The following SLC35F4 variants were observed in gnomAD, a reference collection of about 807,000 sequenced individuals.
SLC35F4 encodes solute carrier family 35 member F4.
Under a neutral mutation model 44.2 loss-of-function variants are expected in SLC35F4, and 24 were observed. The ratio of observed to expected loss-of-function variants is 0.54; its 90% CI spans 0.39 to 0.76. SLC35F4 has a LOEUF of 0.76. Ranked by LOEUF, SLC35F4 falls within the 30% of genes least tolerant of loss-of-function variation. SLC35F4 has a pLI of 0.00. For missense variants in SLC35F4, 562 were observed against 586.1 expected (o/e 0.96, Z 0.42); for synonymous variants, 238 against 223.6 (o/e 1.06, Z -0.57).
chr14:57,834,307 C>T (rs1442134944), intron 1 of SLC35F4, among the ~76,000 whole-genome samples: 1 of 152,202 alleles, frequency 6.6e-6, no homozygotes, highest in Non-Finnish European at 1.5e-5. Context: ...AACTACAGCA[C>T]ATTGGTGTGT....
At chr14:57,682,336 C>T (rs1394075881) in intron 1 of SLC35F4, among the ~76,000 whole-genome samples, 1 of 152,056 alleles carries the variant, frequency 6.6e-6, no homozygotes, top group East Asian at 1.9e-4. Flanking sequence ...GAGTTCATAT[C>T]CTTTGCAGGG....
intron 1 of SLC35F4, among the ~76,000 whole-genome samples, chr14:57,824,011 A>G (rs1883456722): frequency 6.6e-6 from 1 of 152,158 alleles, no homozygotes. Flanking sequence ...ATATTCCCCA[A>G]ATCAGGAAGT....
chr14:57,855,719 A>G (rs1223005107), intron 1 of SLC35F4, among the ~76,000 whole-genome samples: 1 of 152,224 alleles, frequency 6.6e-6, no homozygotes, highest in Non-Finnish European at 1.5e-5. Context: ...AAGTCATTCT[A>G]CTATAAAGAC....
chr14:57,577,179 A>C (rs1461152507), intron 4 of SLC35F4, among the ~76,000 whole-genome samples: 2 of 152,232 alleles, frequency 1.3e-5, no homozygotes, highest in African/African-American at 4.8e-5. Flanking sequence ...AGCATAAATC[A>C]GTAGCAGCTC....
intron 1 of SLC35F4, among the ~76,000 whole-genome samples, chr14:57,672,811 A>G (rs1389119081): frequency 6.6e-6 from 1 of 151,564 alleles, no homozygotes; most frequent in East Asian, 1.9e-4. Context: ...AGAATAACAA[A>G]GTTGAGTTAG....
chr14:57,576,591 C>A (rs1231263408), intron 4 of SLC35F4, among the ~76,000 whole-genome samples: 3 of 151,932 alleles, frequency 2.0e-5, no homozygotes, highest in Non-Finnish European at 2.9e-5. Flanking sequence ...GGAAAACTTT[C>A]TTTTTTACTC....
At chr14:57,667,325 TTTG>T (rs202055697) in intron 1 of SLC35F4, among the ~76,000 whole-genome samples, 1 of 150,582 alleles carries the variant, frequency 6.6e-6, no homozygotes, top group African/African-American at 2.4e-5. Flanking sequence ...ATTTTACTTT[TTTG>T]TTGTTGTTGT....
chr14:57,933,084 C>T (rs561716673), intron 1 of SLC35F4, among the ~76,000 whole-genome samples: 61 of 149,956 alleles, frequency 4.1e-4, no homozygotes, highest in South Asian at 3.8e-3. Flanking sequence ...TGCCCAAGCG[C>T]GACCTTGGCT....
At chr14:57,738,472 T>C (rs2076519617) in intron 1 of SLC35F4, among the ~76,000 whole-genome samples, 1 of 152,070 alleles carries the variant, frequency 6.6e-6, no homozygotes, top group Admixed American at 6.6e-5. Context: ...CATGGGTTCT[T>C]GCTGACCTCA....
chr14:57,849,009 T>C (rs1044572868), intron 1 of SLC35F4, among the ~76,000 whole-genome samples: 1 of 152,168 alleles, frequency 6.6e-6, no homozygotes, highest in African/African-American at 2.4e-5. Context: ...CCAGCATCTG[T>C]GAAACTGTAG....
chr14:57,731,518 G>T (rs1290985719), intron 1 of SLC35F4, among the ~76,000 whole-genome samples: 1 of 152,094 alleles, frequency 6.6e-6, no homozygotes, highest in Non-Finnish European at 1.5e-5. Flanking sequence ...TCATTCTACA[G>T]CATCCAGTGG....
intron 1 of SLC35F4, among the ~76,000 whole-genome samples, chr14:57,757,456 A>G (rs1297150465): frequency 6.6e-6 from 1 of 151,962 alleles, no homozygotes; most frequent in Non-Finnish European, 1.5e-5. Flanking sequence ...TTTTACTGTC[A>G]TCTTTTAGAT....
chr14:57,586,604 G>C (rs1020829016), intron 3 of SLC35F4, among the ~76,000 whole-genome samples: 7 of 150,608 alleles, frequency 4.6e-5, no homozygotes, highest in African/African-American at 1.7e-4. Flanking sequence ...TGTAGTCCCA[G>C]CTACTCAGGA....
chr14:57,656,450 C>CCCTAATTAA (rs2073977239), intron 1 of SLC35F4, among the ~76,000 whole-genome samples: 1 of 151,646 alleles, frequency 6.6e-6, no homozygotes, highest in Non-Finnish European at 1.5e-5. Flanking sequence ...GCTCAGAGGA[C>CCCTAATTAA]ATTAAAACCC....
chr14:57,940,407 T>C (rs1889896166), intron 1 of SLC35F4, among the ~76,000 whole-genome samples: 1 of 152,206 alleles, frequency 6.6e-6, no homozygotes, highest in Non-Finnish European at 1.5e-5. Flanking sequence ...TAAAATTGTT[T>C]TTTTTTAAGT....
chr14:57,697,060 C>G (rs10146518), intron 1 of SLC35F4, among the ~76,000 whole-genome samples: 20,482 of 152,102 alleles, frequency 0.13, 1,656 homozygotes, highest in African/African-American at 0.22. Context: ...ACGTTCTGCT[C>G]ATGTATCCCA....
At position 57,925,499 on chromosome 14, in the gene SLC35F4, G is replaced by GGAAGGAAGGAAGGA. The variant is rs1566930948; in HGVS notation, n.282+56413_282+56414insTCCTTCCTTCCTTC. On this transcript the variant is annotated intron_variant and non_coding_transcript_variant, in intron 1 of 1. Transcript: ENST00000556568. ...GAAAGAAGGAAGGAAGGAAGGAAGG[G>GGAAGGAAGGAAGGA]AGGGAGGGAGGGAGGGAGGGAGGGA... Among the ~76,000 whole-genome samples the GGAAGGAAGGAAGGA allele has an allele frequency of 9.4e-3, 149 of 15,870 alleles. 2 individuals carry two copies. The highest frequency in any genetic ancestry group is 0.023 in the Middle Eastern group (1 of 44). The allele number at this position is 15,870 out of a possible 152,430, so 10.4% of individuals were successfully genotyped here. A position where few individuals can be genotyped will look rare whatever the true frequency, so the allele number is the denominator to read the frequency against.
At chr14:57,626,927 C>T (rs767003084) in intron 1 of SLC35F4, among the ~76,000 whole-genome samples, 1 of 152,010 alleles carries the variant, frequency 6.6e-6, no homozygotes, top group Non-Finnish European at 1.5e-5. Flanking sequence ...AGTTTTTTTA[C>T]AGAAAATCTG....
intron 1 of SLC35F4, among the ~76,000 whole-genome samples, chr14:57,877,917 T>C (rs535599943): frequency 3.4e-4 from 52 of 151,976 alleles, no homozygotes; most frequent in Non-Finnish European, 5.4e-4. Flanking sequence ...ACTCCTGACC[T>C]CAGGTGATCA....
Sources: gnomAD v4.1 joint callset for allele counts (sites outside exome capture counted in the v4.1 genomes callset) on GRCh38, gnomAD v4.1.1 for gene constraint, MANE v1.5 for transcripts, NCBI Gene and HGNC (gene_info 2026-07-23, HGNC 2026-07-21) for gene names.